Variants in MGAT4A observed in about 807,000 individuals in gnomAD.
MGAT4A encodes the protein N-acetylglucosaminyltransferase IVa.
Under a neutral mutation model 74.1 loss-of-function variants are expected in MGAT4A, and 33 were observed. The observed-to-expected ratio is 0.45, with a 90% confidence interval of 0.34 to 0.60. The LOEUF is 0.60. Among genes scored for constraint, MGAT4A ranks in the 20% least tolerant of loss-of-function variants. The pLI is 0.02. For missense variants in MGAT4A, 479 were observed against 628.3 expected (o/e 0.76, Z 2.54); for synonymous variants, 198 against 210.4 (o/e 0.94, Z 0.51).
At chr2:98,729,430 A>C (rs1702812493) in intron 1 of MGAT4A, among the ~76,000 whole-genome samples, 1 of 152,204 alleles carries the variant, frequency 6.6e-6, no homozygotes, top group African/African-American at 2.4e-5. Flanking sequence ...GCTGGCTTGT[A>C]AGACACAGGT....
At chr2:98,636,695 C>T (rs1701327587) in intron 12 of MGAT4A, 100 bp from the exon 13 acceptor site, 1 of 982,018 alleles carries the variant, frequency 1.0e-6, no homozygotes, top group Non-Finnish European at 1.6e-6. Flanking sequence ...CTACACAAGA[C>T]TCTAAGCAAG....
intron 8 of MGAT4A, among the ~76,000 whole-genome samples, chr2:98,646,867 T>A (rs1290338863): frequency 6.6e-6 from 1 of 152,218 alleles, no homozygotes; most frequent in Non-Finnish European, 1.5e-5. Flanking sequence ...TGGGCTTCTA[T>A]TGAGCCCACC....
At chr2:98,627,840 TTCTG>T (rs1328485110) in intron 14 of MGAT4A, among the ~76,000 whole-genome samples, 1 of 152,202 alleles carries the variant, frequency 6.6e-6, no homozygotes, top group Non-Finnish European at 1.5e-5. Context: ...CAGTTCCTAT[TTCTG>T]ACAAAAATTC....
chr2:98,621,127 A>G lies in MGAT4A; in HGVS notation c.*4439T>C. ...TCCTATTCCTACATAACAAATTGCC[A>G]CAAATTTAGCAGCTTAAAACACCAC... is the stretch of plus-strand genomic sequence containing the variant. On this transcript the variant is annotated 3_prime_UTR_variant, in exon 16 of 16. Coordinates refer to ENST00000393487, the MANE Select transcript of MGAT4A (RefSeq NM_012214.3). The G allele has an allele frequency of 3.5e-6, 1 of 284,600 alleles. No individual in the cohort carries two copies. The highest frequency in any genetic ancestry group is 6.5e-6 in the Non-Finnish European group (1 of 154,278). 17.6% of individuals were successfully genotyped at this position (284,600 alleles called of 1,614,324 possible).
At chr2:98,716,295 G>T (rs1702590739) in intron 2 of MGAT4A, among the ~76,000 whole-genome samples, 1 of 152,198 alleles carries the variant, frequency 6.6e-6, no homozygotes, top group Non-Finnish European at 1.5e-5. Flanking sequence ...CTTCGCTCCA[G>T]CCTGTGTGAC....
Position 98,622,036 on chromosome 2 carries a change from A to G in MGAT4A, c.*3530T>C. The G allele has an allele frequency of 1.0e-6, 1 of 986,152 alleles. No homozygotes were observed. The highest frequency in any genetic ancestry group is 1.2e-6 in the Non-Finnish European group (1 of 830,450). The allele number at this position is 986,152 out of a possible 1,614,324, so 61.1% of individuals were successfully genotyped here. A position where few individuals can be genotyped will look rare whatever the true frequency, so the allele number is the denominator to read the frequency against. On this transcript the variant is annotated 3_prime_UTR_variant, in exon 16 of 16. Coordinates refer to ENST00000393487, the MANE Select transcript of MGAT4A (RefSeq NM_012214.3). ...ACACTGTCTGTTCTGACTACACAGT[A>G]TGGTACAGCGCGTGATGTGGAGAAT...
intron 4 of MGAT4A, among the ~76,000 whole-genome samples, chr2:98,669,639 A>C (rs1189538892): frequency 6.6e-6 from 1 of 152,206 alleles, no homozygotes; most frequent in African/African-American, 2.4e-5. Flanking sequence ...ACTAAACATG[A>C]AACTTGTAAT....
At chr2:98,717,517 A>G (rs990111811) in intron 2 of MGAT4A, among the ~76,000 whole-genome samples, 8 of 152,120 alleles carry the variant, frequency 5.3e-5, no homozygotes, top group African/African-American at 1.9e-4. Flanking sequence ...AATTCAAATA[A>G]GGTTTGTAGA....
intron 4 of MGAT4A, among the ~76,000 whole-genome samples, chr2:98,667,080 T>C (rs1238907271): frequency 6.7e-6 from 1 of 148,182 alleles, no homozygotes; most frequent in Non-Finnish European, 1.5e-5. Context: ...AAAAGAGGAG[T>C]TCCCCTGCAC....
chr2:98,698,995 G>A (rs1177972135), intron 2 of MGAT4A, among the ~76,000 whole-genome samples: 2 of 152,098 alleles, frequency 1.3e-5, no homozygotes, highest in Non-Finnish European at 2.9e-5. Flanking sequence ...AGGTTTGTCA[G>A]GAGTTCCTAA....
In MGAT4A at chr2:98,647,378, A is replaced by G. The variant is rs139146594; in HGVS notation, c.775-1836T>C. ...CGCCCACACTGGAGTGCAGTGGTACAATCTCGGCTCACTGTAACCTCTGCC... is the reference window on the plus strand; with the variant it reads ...CGCCCACACTGGAGTGCAGTGGTACGATCTCGGCTCACTGTAACCTCTGCC... On this transcript the variant is annotated intron_variant, in intron 8 of 15. Coordinates refer to ENST00000393487, the MANE Select transcript of MGAT4A (RefSeq NM_012214.3). Among the ~76,000 whole-genome samples, 1,022 of 152,218 alleles carry G rather than the reference A, an allele frequency of 6.7e-3. 16 individuals carry two copies. The highest frequency in any genetic ancestry group is 0.023 in the African/African-American group (952 of 41,526).
At chr2:98,685,838 C>G (rs1159014243) in intron 2 of MGAT4A, among the ~76,000 whole-genome samples, 1 of 152,144 alleles carries the variant, frequency 6.6e-6, no homozygotes, top group Non-Finnish European at 1.5e-5. Flanking sequence ...AACAAGCTCC[C>G]AGGTGATGCT....
At chr2:98,660,412 GCACGCGCACACACACACACA>G (rs1193541615) in intron 5 of MGAT4A, among the ~76,000 whole-genome samples, 7 of 92,952 alleles carry the variant, frequency 7.5e-5, no homozygotes, top group African/African-American at 3.0e-4. Flanking sequence ...ACACACACAC[GCACGCGCACACACACACACA>G]CACACACACA....
intron 2 of MGAT4A, among the ~76,000 whole-genome samples, chr2:98,696,770 A>G (rs752726548): frequency 2.6e-5 from 4 of 152,230 alleles, no homozygotes; most frequent in Admixed American, 6.5e-5. Flanking sequence ...ATCCCCTATG[A>G]AACAGCAGAG....
rs57759198 is a variant in MGAT4A, at chr2:98,660,392, CCACACA to C, written c.538-2134_538-2129del. On this transcript the variant is annotated intron_variant, in intron 5 of 15. Coordinates refer to ENST00000393487, the MANE Select transcript of MGAT4A (RefSeq NM_012214.3). ...AAAAAATCCTAAAATTCATATATAA[CCACACA>C]CACACACACACACGCACGCGCACAC... Among the ~76,000 whole-genome samples, 698 of 138,740 alleles carry C rather than the reference CCACACA, an allele frequency of 5.0e-3. 3 individuals are homozygous for C. The highest frequency in any genetic ancestry group is 0.022 in the Middle Eastern group (6 of 272). 91.0% of individuals were successfully genotyped at this position (138,740 alleles called of 152,430 possible).
rs180789887 is a variant in MGAT4A, at chr2:98,660,954, G to A, written c.537+2092C>T. Among the ~76,000 whole-genome samples the A allele has an allele frequency of 7.9e-5, 12 of 152,260 alleles. No homozygotes were observed. The East Asian group carries it at 1.9e-3, about 24-fold the overall frequency. ...AACTAAAACTCTTCTACATGGCAAA[G>A]GAAATAATTAACAGCATGCCTGACA... is the stretch of plus-strand genomic sequence containing the variant. On this transcript the variant is annotated intron_variant, in intron 5 of 15. Coordinates refer to ENST00000393487, the MANE Select transcript of MGAT4A (RefSeq NM_012214.3).
intron 2 of MGAT4A, among the ~76,000 whole-genome samples, chr2:98,687,315 G>A (rs1206159783): frequency 6.6e-6 from 1 of 152,108 alleles, no homozygotes; most frequent in Non-Finnish European, 1.5e-5. Flanking sequence ...AGTTGTAACT[G>A]TTACAAACAT....
At chr2:98,657,062 A>G (rs976045504) in intron 6 of MGAT4A, among the ~76,000 whole-genome samples, 9 of 152,232 alleles carry the variant, frequency 5.9e-5, no homozygotes, top group Admixed American at 5.9e-4. Context: ...CCTGCCCCAC[A>G]TTCTACAATG....
chr2:98,714,705 T>C (rs928980115), intron 2 of MGAT4A, among the ~76,000 whole-genome samples: 2 of 152,064 alleles, frequency 1.3e-5, no homozygotes, highest in African/African-American at 4.8e-5. Context: ...GCCTGGAGCA[T>C]GCTATGGCAC....
Sources: allele counts gnomAD v4.1 joint callset (sites outside exome capture counted in the v4.1 genomes callset), GRCh38; gene constraint gnomAD v4.1.1; transcripts MANE v1.5; gene names NCBI Gene and HGNC (gene_info 2026-07-23, HGNC 2026-07-21).